Variants in CBFA2T3 observed in about 807,000 individuals in gnomAD.
CBFA2T3 encodes transcriptional corepressor CBFA2T3.
A neutral mutation model predicts 58.6 loss-of-function variants in CBFA2T3; 31 were observed. The ratio of observed to expected loss-of-function variants is 0.53; its 90% CI spans 0.40 to 0.71. The LOEUF (loss-of-function observed/expected upper bound fraction) is 0.71. CBFA2T3 is among the 30% of genes least tolerant of loss of function. The pLI, the probability that CBFA2T3 is intolerant of heterozygous loss-of-function variation, is 0.00. For synonymous variants in CBFA2T3, 531 were observed against 421.9 expected (o/e 1.26, Z -3.17); for missense variants, 1,076 against 963.1 (o/e 1.12, Z -1.55).
chr16:88,910,313 G>A (rs887467085), intron 1 of CBFA2T3, among the ~76,000 whole-genome samples: 4 of 152,186 alleles, frequency 2.6e-5, no homozygotes, highest in South Asian at 2.1e-4. Context: ...TCCTGTCACC[G>A]GCTCTCCCTG....
chr16:88,906,779 C>G (rs1293681385), intron 1 of CBFA2T3, among the ~76,000 whole-genome samples: 1 of 152,184 alleles, frequency 6.6e-6, no homozygotes, highest in African/African-American at 2.4e-5. Flanking sequence ...TGTTCTGGGT[C>G]TCAGAGCCCA....
intron 1 of CBFA2T3, among the ~76,000 whole-genome samples, chr16:88,975,901 C>T (rs768478105): frequency 2.6e-5 from 4 of 152,232 alleles, no homozygotes; most frequent in African/African-American, 9.6e-5. Flanking sequence ...GTGAGAGCCC[C>T]GCGAGACGGG....
chr16:88,923,225 C>T (rs1482064622), intron 1 of CBFA2T3, among the ~76,000 whole-genome samples: 1 of 152,336 alleles, frequency 6.6e-6, no homozygotes, highest in Admixed American at 6.5e-5. Context: ...GGCGAGTCCC[C>T]TGGCCTTGCT....
intron 10 of CBFA2T3, 21 bp from the exon 11 acceptor site, chr16:88,879,481 G>A (rs908247020): frequency 1.3e-6 from 2 of 1,597,040 alleles, no homozygotes; most frequent in African/African-American, 2.7e-5. Flanking sequence ...CATGGGCAGG[G>A]CTGGCGGTCA....
chr16:88,953,466 C>T lies in CBFA2T3; in HGVS notation c.151+23191G>A, dbSNP rs896877257. ...TCAAAACGGTTCCCACAGCTCCCAGCGGAGCCCTCAAAATGGTCCCCACAG... is the reference window on the plus strand; with the variant it reads ...TCAAAACGGTTCCCACAGCTCCCAGTGGAGCCCTCAAAATGGTCCCCACAG... On this transcript the variant is annotated intron_variant, in intron 1 of 11. Transcript: ENST00000268679. The surrounding 1 kb of genome is among the most constrained non-coding windows in gnomAD (Gnocchi z 4.9). Among the ~76,000 whole-genome samples, 1 of 152,194 alleles carries T rather than the reference C, an allele frequency of 6.6e-6. No individual in the cohort carries two copies.
At chr16:88,877,347 G>T in intron 11 of CBFA2T3, 72 bp from the exon 12 acceptor site, 1 of 1,293,604 alleles carries the variant, frequency 7.7e-7, no homozygotes, top group Non-Finnish European at 1.1e-6. Context: ...CCTCAACCAA[G>T]CCATTCAGAC....
At chr16:88,933,298 G>A (rs1036227617) in intron 1 of CBFA2T3, among the ~76,000 whole-genome samples, 6 of 149,232 alleles carry the variant, frequency 4.0e-5, no homozygotes, top group East Asian at 2.0e-4. Flanking sequence ...CACACGTCAC[G>A]TGCCTCTATA....
At chr16:88,928,239 C>T (rs1381105906) in intron 1 of CBFA2T3, among the ~76,000 whole-genome samples, 1 of 152,212 alleles carries the variant, frequency 6.6e-6, no homozygotes, top group Non-Finnish European at 1.5e-5. Flanking sequence ...GGGGCAGCTT[C>T]TTGCCCGGCG....
chr16:88,948,183 C>T (rs1473360261), intron 1 of CBFA2T3, among the ~76,000 whole-genome samples: 5 of 152,164 alleles, frequency 3.3e-5, no homozygotes, highest in Non-Finnish European at 5.9e-5. Context: ...CCGCAAGCCA[C>T]GTGGTGATTG....
intron 5 of CBFA2T3, among the ~76,000 whole-genome samples, chr16:88,889,397 A>C (rs1337137108): frequency 2.0e-4 from 3 of 15,076 alleles, no homozygotes; most frequent in Non-Finnish European, 3.8e-4. Context: ...AAAGCAGAGG[A>C]GGCAGGGGCG....
chr16:88,891,875 G>T lies in CBFA2T3; in HGVS notation c.711+7C>A. On this transcript the variant is annotated splice_region_variant and intron_variant, in intron 5 of 11. Transcript: ENST00000268679. ...TCCCGCAGCACGGGGGACGGGTTTC[G>T]CATTACCTTCAGGAAGGGAATGACA... The T allele has an allele frequency of 1.9e-6, 3 of 1,602,116 alleles. No homozygotes were observed. Among genetic ancestry groups the T allele is most frequent in the Non-Finnish European group, 2.6e-6 (3 of 1,170,260 alleles).
chr16:88,910,374 T>G (rs1193923694), intron 1 of CBFA2T3, among the ~76,000 whole-genome samples: 1 of 152,188 alleles, frequency 6.6e-6, no homozygotes, highest in African/African-American at 2.4e-5. Flanking sequence ...TCTTCTCTTG[T>G]GGATGCTCCC....
intron 5 of CBFA2T3, among the ~76,000 whole-genome samples, chr16:88,889,595 T>A (rs1969541265): frequency 6.6e-6 from 1 of 151,936 alleles, no homozygotes; most frequent in African/African-American, 2.4e-5. Context: ...AGAGCCTCAG[T>A]TTCCCCACCT....
intron 9 of CBFA2T3, 125 bp downstream of exon 9, chr16:88,881,164 GGT>G: frequency 2.3e-6 from 2 of 873,576 alleles, no homozygotes; most frequent in Non-Finnish European, 3.7e-6. Flanking sequence ...AAGTGAAAAA[GGT>G]GCCTCTTTCT....
chr16:88,879,201 T>C (rs1019448091), intron 11 of CBFA2T3, 69 bp downstream of exon 11: 37 of 1,354,966 alleles, frequency 2.7e-5, no homozygotes, highest in African/African-American at 2.7e-4. Flanking sequence ...AGAATCCTCA[T>C]GGGGGTGGCG....
chr16:88,910,359 CCTTCT>C (rs1970492716), intron 1 of CBFA2T3, among the ~76,000 whole-genome samples: 1 of 152,238 alleles, frequency 6.6e-6, no homozygotes, highest in Non-Finnish European at 1.5e-5. Context: ...CTGTCCTGCT[CCTTCT>C]CTTCTCTTGT....
In CBFA2T3 at chr16:88,875,254, C is replaced by T. The variant is rs114576648; in HGVS notation, c.*1722G>A. 1,997 of 205,238 alleles carry T rather than the reference C, an allele frequency of 9.7e-3. 39 individuals carry two copies. The highest frequency in any genetic ancestry group is 0.043 in the African/African-American group (1,869 of 43,634). 12.7% of individuals were successfully genotyped at this position (205,238 alleles called of 1,614,324 possible). ...CTGCGGGCCGTGCCTGCTGTCTGTC[C>T]TTGTACTCGGTGCAAGCATGAATTT... On this transcript the variant is annotated 3_prime_UTR_variant, in exon 12 of 12. Transcript: ENST00000268679.
chr16:88,905,802 C>G lies in CBFA2T3; in HGVS notation c.152-4146G>C. On this transcript the variant is annotated intron_variant, in intron 1 of 11. Coordinates refer to ENST00000268679, the MANE Select transcript of CBFA2T3 (RefSeq NM_005187.6). The stretch of plus-strand genomic sequence containing the variant: ...GGCGGGGCTGAGAGCTAGTCTGCGG[C>G]AGGTGGGAGGGGCTGGGCTGCCCAG... 1.3e-5 allele frequency among the ~76,000 whole-genome samples: 2 copies of G among 149,098 alleles called. 1 individual carries two copies. Among genetic ancestry groups the G allele is most frequent in the Non-Finnish European group, 3.0e-5 (2 of 67,394 alleles).
chr16:88,893,054 G>A (rs1969712217), intron 3 of CBFA2T3, among the ~76,000 whole-genome samples: 1 of 152,140 alleles, frequency 6.6e-6, no homozygotes, highest in South Asian at 2.1e-4. Flanking sequence ...CCCACTTTCT[G>A]GAGGCACAGG....
Sources: gnomAD v4.1 joint callset for allele counts (sites outside exome capture counted in the v4.1 genomes callset) on GRCh38, gnomAD v4.1.1 for gene constraint, Gnocchi (gnomAD v3.1) non-coding constraint, MANE v1.5 for transcripts, NCBI Gene and HGNC (gene_info 2026-07-23, HGNC 2026-07-21) for gene names.